TAB1: variants seen among roughly 807,000 people sequenced by gnomAD.
TAB1 encodes TGF-beta activated kinase 1 (MAP3K7) binding protein 1, also known as TGF-beta-activated kinase 1 and MAP3K7-binding protein 1.
Under a neutral mutation model 54.5 loss-of-function variants are expected in TAB1, and 30 were observed. The ratio of observed to expected loss-of-function variants is 0.55; its 90% CI spans 0.41 to 0.75. The LOEUF (loss-of-function observed/expected upper bound fraction) is 0.75. Among genes scored for constraint, TAB1 ranks in the 30% least tolerant of loss-of-function variants. The pLI, the probability that TAB1 is intolerant of heterozygous loss-of-function variation, is 0.00. For missense variants in TAB1, 609 were observed against 683.2 expected (o/e 0.89, Z 1.21); for synonymous variants, 289 against 286.9 (o/e 1.01, Z -0.07).
At chr22:39,412,517 C>G (rs960622801) in intron 1 of TAB1, among the ~76,000 whole-genome samples, 2 of 152,096 alleles carry the variant, frequency 1.3e-5, no homozygotes, top group Non-Finnish European at 2.9e-5. Context: ...GCCAGTTTTA[C>G]TCCATGTTAA....
intron 7 of TAB1, among the ~76,000 whole-genome samples, chr22:39,420,564 G>A (rs1275185816): frequency 6.6e-6 from 1 of 152,142 alleles, no homozygotes; most frequent in African/African-American, 2.4e-5. Context: ...ACTGAGTGTC[G>A]AATATTTGTC....
intron 1 of TAB1, among the ~76,000 whole-genome samples, chr22:39,412,074 G>A (rs947823570): frequency 9.2e-5 from 14 of 152,148 alleles, no homozygotes; most frequent in African/African-American, 2.4e-4. Context: ...GTCTCACTCC[G>A]TCGCCCAGGC....
chr22:39,400,823 C>G (rs1421486962), intron 1 of TAB1, among the ~76,000 whole-genome samples: 2 of 152,116 alleles, frequency 1.3e-5, no homozygotes, highest in East Asian at 3.9e-4. Context: ...ATCACGAGGT[C>G]AGGAGATCAA....
At chr22:39,433,544 A>C (rs548580103), downstream of TAB1, 4,481 of 985,150 alleles carry the variant, frequency 4.5e-3, 16 homozygotes, top group Non-Finnish European at 5.2e-3. Flanking sequence ...CCGTTGTCCC[A>C]GGACGGGGGC....
chr22:39,408,627 C>G (rs1354986793), intron 1 of TAB1, among the ~76,000 whole-genome samples: 1 of 152,154 alleles, frequency 6.6e-6, no homozygotes, highest in Non-Finnish European at 1.5e-5. Context: ...CTCAGCCTTC[C>G]GAGTAGCTGA....
At chr22:39,417,641 A>AG in intron 4 of TAB1, 70 bp from the exon 5 acceptor site, 1 of 1,428,472 alleles carries the variant, frequency 7.0e-7, no homozygotes, top group African/African-American at 1.5e-5. Flanking sequence ...AAAAGAGTAA[A>AG]GGGAGTGGAG....
rs954671950 is a variant in TAB1 at position 39,430,752 on chromosome 22, A to C, written c.*530A>C. 4.3e-5 allele frequency: 44 copies of C among 1,011,758 alleles called. No individual in the cohort carries two copies. The highest frequency in any genetic ancestry group is 4.6e-5 in the Non-Finnish European group (39 of 843,734). The allele number at this position is 1,011,758 out of a possible 1,614,324, so 62.7% of individuals were successfully genotyped here. ...ATCTGTCCCTGGGCCCCACCCCTGGACCTGCCTTGGTTGTGTCATCTGTTG... is the reference window on the plus strand; with the variant it reads ...ATCTGTCCCTGGGCCCCACCCCTGGCCCTGCCTTGGTTGTGTCATCTGTTG... On this transcript the variant is annotated 3_prime_UTR_variant, in exon 11 of 11. Coordinates refer to ENST00000216160, the MANE Select transcript of TAB1 (RefSeq NM_006116.3).
At chr22:39,427,023 C>T in intron 9 of TAB1, 98 bp downstream of exon 9, 1 of 1,215,724 alleles carries the variant, frequency 8.2e-7, no homozygotes, top group South Asian at 1.4e-5. Flanking sequence ...GAGATGGAGT[C>T]AGGAGGCCTG....
intron 7 of TAB1, 93 bp downstream of exon 7, chr22:39,419,723 G>T (rs1926988552): frequency 1.2e-6 from 1 of 802,144 alleles, no homozygotes; most frequent in Non-Finnish European, 2.0e-6. Flanking sequence ...GGAGGTCGAG[G>T]CTGCAGTGAG....
chr22:39,411,538 T>C (rs139478530), intron 1 of TAB1, among the ~76,000 whole-genome samples: 6 of 152,328 alleles, frequency 3.9e-5, no homozygotes, highest in African/African-American at 1.2e-4. Context: ...CACGATGAGC[T>C]ACCACTACCC....
intron 5 of TAB1, 49 bp from the exon 6 acceptor site, chr22:39,418,683 A>G (rs375674729): frequency 1.7e-5 from 23 of 1,384,680 alleles, no homozygotes; most frequent in African/African-American, 1.1e-4. Flanking sequence ...GGTATGCCCT[A>G]TTTCTCTCTG....
intron 1 of TAB1, among the ~76,000 whole-genome samples, chr22:39,407,720 C>T (rs1229279203): frequency 6.6e-6 from 1 of 152,132 alleles, no homozygotes; most frequent in Non-Finnish European, 1.5e-5. Context: ...CTCCTGACCT[C>T]GTGATTCGCC....
chr22:39,424,739 C>T (rs34627092), intron 8 of TAB1, among the ~76,000 whole-genome samples: 7,164 of 152,170 alleles, frequency 0.047, 585 homozygotes, highest in African/African-American at 0.17. Context: ...TGAGCCACTG[C>T]GCCCAGCCTG....
intron 9 of TAB1, among the ~76,000 whole-genome samples, chr22:39,427,232 C>T (rs1200853113): frequency 6.6e-6 from 1 of 152,222 alleles, no homozygotes; most frequent in African/African-American, 2.4e-5. Context: ...TGAGTGCCTC[C>T]CTTGTGCCAG....
chr22:39,435,212 G>T (rs982819334), downstream of TAB1, among the ~76,000 whole-genome samples: 1 of 152,140 alleles, frequency 6.6e-6, no homozygotes, highest in African/African-American at 2.4e-5. Flanking sequence ...TCAAATTCTT[G>T]TGTTCCATTT....
chr22:39,436,595 G>A (rs1392194241), downstream of TAB1: 2 of 1,577,904 alleles, frequency 1.3e-6, no homozygotes, highest in South Asian at 1.1e-5. Context: ...ACACCAAGGG[G>A]CCCTCTGGGA....
Position 39,430,403 on chromosome 22 carries a change from A to G in TAB1, c.*181A>G. The G allele has an allele frequency of 6.9e-6, 10 of 1,439,992 alleles. 1 individual carries two copies. The highest frequency in any genetic ancestry group is 4.3e-5 in the South Asian group (3 of 69,618). 89.2% of individuals were successfully genotyped at this position (1,439,992 alleles called of 1,614,324 possible). A position where few individuals can be genotyped will look rare whatever the true frequency, so the allele number is the denominator to read the frequency against. ...TGAGTGCAGACTGGACCTGTGGTTCATACCTTGTCACCACCCGGGAAGCTG... is the reference window on the plus strand; with the variant it reads ...TGAGTGCAGACTGGACCTGTGGTTCGTACCTTGTCACCACCCGGGAAGCTG... On this transcript the variant is annotated 3_prime_UTR_variant, in exon 11 of 11. Coordinates refer to ENST00000216160, the MANE Select transcript of TAB1 (RefSeq NM_006116.3).
At chr22:39,411,892 GAA>G (rs1445719508) in intron 1 of TAB1, among the ~76,000 whole-genome samples, 1 of 152,216 alleles carries the variant, frequency 6.6e-6, no homozygotes, top group African/African-American at 2.4e-5. Context: ...ATTACTCTAT[GAA>G]AGAGAGAGAG....
intron 9 of TAB1, among the ~76,000 whole-genome samples, chr22:39,427,629 G>A (rs974172103): frequency 2.0e-5 from 3 of 152,200 alleles, no homozygotes; most frequent in African/African-American, 7.2e-5. Context: ...TTCTCCCATG[G>A]ACACCAGGGT....
Sources: gnomAD v4.1 joint callset for allele counts (sites outside exome capture counted in the v4.1 genomes callset) on GRCh38, gnomAD v4.1.1 for gene constraint, MANE v1.5 for transcripts, NCBI Gene and HGNC (gene_info 2026-07-23, HGNC 2026-07-21) for gene names.